ADGRB3: variants seen among roughly 807,000 people sequenced by gnomAD.
ADGRB3 encodes adhesion G protein-coupled receptor B3, also known as brain-specific angiogenesis inhibitor 3.
A neutral mutation model predicts 193.4 loss-of-function variants in ADGRB3; 37 were observed. That is an observed-to-expected ratio of 0.19 (90% confidence interval 0.15 to 0.25). ADGRB3 has a LOEUF of 0.25. Ranked by LOEUF, ADGRB3 falls within the 10% of genes least tolerant of loss-of-function variation. ADGRB3 has a pLI of 1.00. For synonymous variants in ADGRB3, 690 were observed against 644.2 expected, an observed-to-expected ratio of 1.07 and a Z score of -1.08; for missense variants, 1,637 against 1,852.9, an observed-to-expected ratio of 0.88 and a Z score of 2.14.
At chr6:69,014,440 A>T (rs1230324614) in intron 12 of ADGRB3, among the ~76,000 whole-genome samples, 1 of 152,006 alleles carries the variant, frequency 6.6e-6, no homozygotes, top group Non-Finnish European at 1.5e-5. Context: ...AAATGAAAGT[A>T]TGGAGCTTTG....
intron 13 of ADGRB3, among the ~76,000 whole-genome samples, chr6:69,037,764 G>T (rs1214678599): frequency 1.3e-5 from 2 of 151,704 alleles, no homozygotes; most frequent in Middle Eastern, 3.2e-3. Context: ...CTAAGTTCTT[G>T]CTCTATTGTG....
chr6:69,144,355 C>T (rs1370974089), intron 17 of ADGRB3, among the ~76,000 whole-genome samples: 2 of 152,130 alleles, frequency 1.3e-5, no homozygotes, highest in Non-Finnish European at 2.9e-5. Context: ...CATCTGCAAA[C>T]AAGGATAATT....
At chr6:68,884,498 G>C (rs1372782583) in intron 3 of ADGRB3, among the ~76,000 whole-genome samples, 2 of 152,052 alleles carry the variant, frequency 1.3e-5, no homozygotes, top group Admixed American at 6.5e-5. Flanking sequence ...GAAAAATAAA[G>C]CATAAGTTAG....
At chr6:68,821,326 G>A (rs899892929) in intron 3 of ADGRB3, among the ~76,000 whole-genome samples, 6 of 151,796 alleles carry the variant, frequency 4.0e-5, no homozygotes, top group Non-Finnish European at 7.4e-5. Context: ...TTACATAAGC[G>A]TAAATTACTT....
At position 69,148,441 on chromosome 6, in the gene ADGRB3, A is replaced by C. The variant is rs192741933; in HGVS notation, c.2480+72403A>C. Among the ~76,000 whole-genome samples the C allele has an allele frequency of 5.9e-3, 900 of 152,178 alleles. 16 individuals carry two copies. The highest frequency in any genetic ancestry group is 6.4e-3 in the Non-Finnish European group (435 of 67,970). On this transcript the variant is annotated intron_variant, in intron 17 of 31. Transcript: ENST00000370598. ...AATAAAAACTCTACATTTTAACTTCATGTCCCTGCTTTTTAACTTTTTATT... is the reference window on the plus strand; with the variant it reads ...AATAAAAACTCTACATTTTAACTTCCTGTCCCTGCTTTTTAACTTTTTATT...
intron 3 of ADGRB3, among the ~76,000 whole-genome samples, chr6:68,782,731 G>A (rs897379405): frequency 6.6e-6 from 1 of 152,100 alleles, no homozygotes; most frequent in Admixed American, 6.6e-5. Flanking sequence ...CAGTGATGAT[G>A]AGCATTTTTT....
intron 3 of ADGRB3, among the ~76,000 whole-genome samples, chr6:68,721,601 T>C (rs1378936472): frequency 6.9e-6 from 1 of 145,802 alleles, no homozygotes; most frequent in African/African-American, 2.5e-5. Flanking sequence ...GTTGTGCACA[T>C]GTACCCTAGA....
chr6:69,159,919 C>T (rs890511265), intron 17 of ADGRB3, among the ~76,000 whole-genome samples: 1 of 152,112 alleles, frequency 6.6e-6, no homozygotes, highest in Non-Finnish European at 1.5e-5. Context: ...TCTATCCTTC[C>T]AGTTGATCAC....
chr6:69,164,880 C>A (rs1050817843), intron 17 of ADGRB3, among the ~76,000 whole-genome samples: 3 of 152,040 alleles, frequency 2.0e-5, no homozygotes, highest in Non-Finnish European at 4.4e-5. Context: ...TTCTTGGCAG[C>A]TAGCACAGTG....
intron 10 of ADGRB3, among the ~76,000 whole-genome samples, chr6:68,981,893 T>TTTAA (rs1300171109): frequency 7.3e-6 from 1 of 136,940 alleles, no homozygotes; most frequent in African/African-American, 2.7e-5. Context: ...TATTTATTTA[T>TTTAA]TTTAGACAGA....
chr6:69,241,213 G>T (rs1332794171), intron 20 of ADGRB3, among the ~76,000 whole-genome samples: 1 of 151,486 alleles, frequency 6.6e-6, no homozygotes, highest in Non-Finnish European at 1.5e-5. Context: ...TGCAATGCAA[G>T]ACACAAATAC....
At chr6:68,918,750 TTTTC>T (rs1766947692) in intron 3 of ADGRB3, among the ~76,000 whole-genome samples, 2 of 152,278 alleles carry the variant, frequency 1.3e-5, no homozygotes, top group African/African-American at 4.8e-5. Flanking sequence ...TCTGGGGCTA[TTTTC>T]TTTATTCTGT....
rs140765597 is a variant in ADGRB3, at chr6:69,344,954, A to T, written c.3459+5450A>T. Among the ~76,000 whole-genome samples the T allele has an allele frequency of 4.8e-4, 73 of 151,784 alleles. No individual in the cohort carries two copies. The East Asian group carries it at 8.1e-3, about 17-fold the overall frequency. Reference sequence around the variant, plus strand: ...TCTTCTCTGGGACCATATGAAGCACATGGAGGCATAAAGCAAATTATGTGA... The same window carrying T: ...TCTTCTCTGGGACCATATGAAGCACTTGGAGGCATAAAGCAAATTATGTGA... On this transcript the variant is annotated intron_variant, in intron 26 of 31. Coordinates refer to ENST00000370598, the MANE Select transcript of ADGRB3 (RefSeq NM_001704.3).
chr6:69,338,855 A>ATT, intron 24 of ADGRB3, 61 bp from the exon 25 acceptor site: 2 of 1,384,378 alleles, frequency 1.4e-6, no homozygotes, highest in South Asian at 1.3e-5. Flanking sequence ...TGAAGCAGCA[A>ATT]TTTTTTTTTG....
chr6:68,898,640 G>T (rs1582296386), intron 3 of ADGRB3, among the ~76,000 whole-genome samples: 1 of 152,200 alleles, frequency 6.6e-6, no homozygotes, highest in Non-Finnish European at 1.5e-5. Context: ...TTCTTCCAAA[G>T]AGTACAGTGT....
At chr6:69,355,173 A>C (rs1769312683) in intron 27 of ADGRB3, among the ~76,000 whole-genome samples, 1 of 152,190 alleles carries the variant, frequency 6.6e-6, no homozygotes, top group South Asian at 2.1e-4. Flanking sequence ...CAAGATAATG[A>C]AATTTTATCA....
intron 20 of ADGRB3, among the ~76,000 whole-genome samples, chr6:69,317,966 C>T (rs972555639): frequency 2.6e-5 from 4 of 151,164 alleles, no homozygotes; most frequent in African/African-American, 9.7e-5. Flanking sequence ...TCCAACTAGC[C>T]CGTTGATTCT....
At chr6:68,857,265 C>T (rs1372487426) in intron 3 of ADGRB3, among the ~76,000 whole-genome samples, 1 of 152,198 alleles carries the variant, frequency 6.6e-6, no homozygotes, top group Non-Finnish European at 1.5e-5. Context: ...GGGCCACTGT[C>T]CTCCAGACCC....
intron 3 of ADGRB3, among the ~76,000 whole-genome samples, chr6:68,756,074 A>G (rs1206148310): frequency 6.6e-6 from 1 of 152,116 alleles, no homozygotes; most frequent in Non-Finnish European, 1.5e-5. Context: ...TAGAGTTCTG[A>G]TTAATGGGCA....
Sources: allele counts gnomAD v4.1 joint callset (sites outside exome capture counted in the v4.1 genomes callset), GRCh38; gene constraint gnomAD v4.1.1; transcripts MANE v1.5; gene names NCBI Gene and HGNC (gene_info 2026-07-23, HGNC 2026-07-21).